The following ASCC3 variants were observed in gnomAD, a reference collection of about 807,000 sequenced individuals.
ASCC3 encodes the protein ASC-1 complex subunit P200.
ASCC3 carries 158 observed loss-of-function variants against 256.3 expected under a neutral mutation model. The observed-to-expected ratio is 0.62, with a 90% CI of 0.54 to 0.70. The LOEUF (loss-of-function observed/expected upper bound fraction) is 0.70, where lower values mean the gene tolerates loss of function less well. ASCC3 is among the 30% of genes least tolerant of loss of function. ASCC3 has a pLI of 0.00. For missense variants in ASCC3, 2,259 were observed against 2,626.0 expected, an observed-to-expected ratio of 0.86 and a Z score of 3.05; for synonymous variants, 948 against 883.4, an observed-to-expected ratio of 1.07 and a Z score of -1.30.
chr6:100,694,750 C>T (rs1307907480), intron 13 of ASCC3, among the ~76,000 whole-genome samples: 1 of 151,798 alleles, frequency 6.6e-6, no homozygotes, highest in Non-Finnish European at 1.5e-5. Context: ...TTCAAGATGT[C>T]CACAGAGTAA....
chr6:100,670,046 C>T (rs1776663549), intron 14 of ASCC3, among the ~76,000 whole-genome samples: 2 of 151,528 alleles, frequency 1.3e-5, no homozygotes, highest in Non-Finnish European at 2.9e-5. Context: ...AAGGATTAAA[C>T]AGAAAAAGTT....
chr6:100,822,468 C>T (rs1308897262), intron 4 of ASCC3, among the ~76,000 whole-genome samples: 1 of 148,566 alleles, frequency 6.7e-6, no homozygotes, highest in African/African-American at 2.5e-5. Context: ...GCCTGGAAGA[C>T]AGAGGTTGCA....
intron 3 of ASCC3, among the ~76,000 whole-genome samples, chr6:100,848,929 G>T (rs1433573818): frequency 2.0e-5 from 3 of 151,958 alleles, no homozygotes; most frequent in African/African-American, 7.3e-5. Flanking sequence ...AATATGGTGA[G>T]AACCATCTCT....
At chr6:100,637,849 T>C (rs931768970) in intron 25 of ASCC3, among the ~76,000 whole-genome samples, 27 of 152,120 alleles carry the variant, frequency 1.8e-4, no homozygotes, top group African/African-American at 6.5e-4. Context: ...AATGAACAGA[T>C]GAGGAGTTGC....
intron 13 of ASCC3, among the ~76,000 whole-genome samples, chr6:100,707,026 C>G (rs1778619869): frequency 6.6e-6 from 1 of 152,072 alleles, no homozygotes; most frequent in Non-Finnish European, 1.5e-5. Flanking sequence ...GACCATAGTC[C>G]TGATGCGTTT....
intron 14 of ASCC3, among the ~76,000 whole-genome samples, chr6:100,663,357 C>A (rs1776317915): frequency 6.6e-6 from 1 of 152,076 alleles, no homozygotes; most frequent in Non-Finnish European, 1.5e-5. Context: ...ACATGCTCTT[C>A]TGAGTAGCAT....
intron 1 of ASCC3, among the ~76,000 whole-genome samples, chr6:100,875,352 TTC>T: frequency 6.6e-6 from 1 of 152,286 alleles, no homozygotes; most frequent in Middle Eastern, 3.4e-3. Context: ...GGAATGATAA[TTC>T]TGTTTTGGAA....
At chr6:100,716,115 T>A (rs947307766) in intron 12 of ASCC3, among the ~76,000 whole-genome samples, 4 of 151,788 alleles carry the variant, frequency 2.6e-5, no homozygotes, top group African/African-American at 9.7e-5. Flanking sequence ...TAAGAAAGGG[T>A]CTCTAAGTAT....
rs1255428814 is a variant in ASCC3, at chr6:100,508,506, A to C, written c.*880T>G. The C allele has an allele frequency of 1.3e-5, 2 of 152,076 alleles. No homozygotes were observed. Among genetic ancestry groups the C allele is most frequent in the Non-Finnish European group, 2.9e-5 (2 of 68,002 alleles). The allele number at this position is 152,076 out of a possible 1,614,324, so 9.4% of individuals were successfully genotyped here. ...TGAAAACCTATCCATAGGGGTGAAA[A>C]ATTTTCTGTCTCAGATTTTTCCTGG... On this transcript the variant is annotated 3_prime_UTR_variant, in exon 42 of 42. Coordinates refer to ENST00000369162, the MANE Select transcript of ASCC3 (RefSeq NM_006828.4).
intron 36 of ASCC3, among the ~76,000 whole-genome samples, chr6:100,555,418 A>C (rs1769523195): frequency 6.6e-6 from 1 of 152,208 alleles, no homozygotes; most frequent in South Asian, 2.1e-4. Context: ...AATTAGGACA[A>C]GCACATAAGC....
Position 100,531,028 on chromosome 6 carries a change from T to G in ASCC3, c.5775+9135A>C, listed in dbSNP as rs972087975. 11 of 1,593,156 alleles carry G rather than the reference T, an allele frequency of 6.9e-6. No individual in the cohort carries two copies. The African/African-American group carries it at 1.2e-4, about 18-fold the overall frequency. ...TGGAATTTGCACGCCCTCAAACTGC[T>G]GGGACAAAAAGTACAACAGTGTAGC... On this transcript the variant is annotated intron_variant, in intron 37 of 41. Coordinates refer to ENST00000369162, the MANE Select transcript of ASCC3 (RefSeq NM_006828.4).
At chr6:100,607,397 G>C (rs1265790599) in intron 30 of ASCC3, among the ~76,000 whole-genome samples, 4 of 151,812 alleles carry the variant, frequency 2.6e-5, no homozygotes. Context: ...CAATATTTCA[G>C]TGTCTCTGTT....
rs1332064737 is a variant in ASCC3, at chr6:100,681,427, T to C, written c.2152-1675A>G. 7.9e-5 allele frequency among the ~76,000 whole-genome samples: 12 copies of C among 152,144 alleles called. No individual in the cohort carries two copies. The East Asian group carries it at 1.4e-3, about 17-fold the overall frequency. ...TACTAATAGGTTTTGAAAGGAAATA[T>C]GATCATAAGAACATTTTAAGGCTGG... is the stretch of plus-strand genomic sequence containing the variant. On this transcript the variant is annotated intron_variant, in intron 13 of 41. Coordinates refer to ENST00000369162, the MANE Select transcript of ASCC3 (RefSeq NM_006828.4).
In ASCC3 at chr6:100,646,775, A is replaced by G. The variant is rs77990729; in HGVS notation, c.3479-6T>C. On this transcript the variant is annotated splice_region_variant and splice_polypyrimidine_tract_variant and intron_variant, in intron 21 of 41. Coordinates refer to ENST00000369162, the MANE Select transcript of ASCC3 (RefSeq NM_006828.4). ...CACATGATGTAAAATGTGACCTGCAAGAAAAATATCACATAGAAGAAATGT... is the reference window on the plus strand; with the variant it reads ...CACATGATGTAAAATGTGACCTGCAGGAAAAATATCACATAGAAGAAATGT... The G allele has an allele frequency of 1.0e-4, 164 of 1,613,514 alleles. 1 individual carries two copies. The East Asian group carries it at 3.5e-3, about 34-fold the overall frequency.
chr6:100,560,381 C>G (rs1769869743), intron 36 of ASCC3, among the ~76,000 whole-genome samples: 5 of 152,132 alleles, frequency 3.3e-5, no homozygotes. Flanking sequence ...ATTTATACAT[C>G]TAACAGAGCT....
chr6:100,824,065 A>G (rs1263037474), intron 4 of ASCC3, among the ~76,000 whole-genome samples: 1 of 152,210 alleles, frequency 6.6e-6, no homozygotes, highest in Non-Finnish European at 1.5e-5. Flanking sequence ...TATGAACCAT[A>G]AATCTACAAA....
intron 39 of ASCC3, among the ~76,000 whole-genome samples, chr6:100,514,803 A>C (rs1418883613): frequency 6.6e-6 from 1 of 152,182 alleles, no homozygotes; most frequent in Non-Finnish European, 1.5e-5. Context: ...TTCCAGGCAT[A>C]CTGATGGGGT....
At position 100,765,011 on chromosome 6, in the gene ASCC3, G is replaced by A. The variant is rs560071616; in HGVS notation, c.1737+1554C>T. ...GGAGTAGGGGAAAAGATAAGCGGGCGAAAAGGTCACATAGATGGAAGCAGA... is the reference window on the plus strand; with the variant it reads ...GGAGTAGGGGAAAAGATAAGCGGGCAAAAAGGTCACATAGATGGAAGCAGA... On this transcript the variant is annotated intron_variant, in intron 10 of 41. Coordinates refer to ENST00000369162, the MANE Select transcript of ASCC3 (RefSeq NM_006828.4). 1.5e-4 allele frequency among the ~76,000 whole-genome samples: 23 copies of A among 152,202 alleles called. 1 individual carries two copies. Among genetic ancestry groups the A allele is most frequent in the Non-Finnish European group, 2.2e-4 (15 of 67,994 alleles).
chr6:100,573,571 C>T (rs774356998), intron 36 of ASCC3, among the ~76,000 whole-genome samples: 5 of 151,948 alleles, frequency 3.3e-5, no homozygotes, highest in African/African-American at 4.8e-5. Context: ...ACTTACTCAA[C>T]GTAGAGTGAG....
Sources: allele counts gnomAD v4.1 joint callset (sites outside exome capture counted in the v4.1 genomes callset), GRCh38; gene constraint gnomAD v4.1.1; transcripts MANE v1.5; gene names NCBI Gene and HGNC (gene_info 2026-07-23, HGNC 2026-07-21).